LRRTM4: variants seen among roughly 807,000 people sequenced by gnomAD.
LRRTM4 encodes leucine-rich repeat transmembrane neuronal protein 4.
A neutral mutation model predicts 47.6 loss-of-function variants in LRRTM4; 25 were observed. The observed-to-expected ratio is 0.53, with a 90% CI of 0.38 to 0.73. LRRTM4 has a LOEUF of 0.73. Ranked by LOEUF, LRRTM4 falls within the 30% of genes least tolerant of loss-of-function variation. The probability of loss-of-function intolerance (pLI) is 0.00; values close to 1 mark genes in which losing one functional copy is unlikely to be tolerated. For missense variants in LRRTM4, 638 were observed against 713.4 expected (o/e 0.89, Z 1.20); for synonymous variants, 311 against 269.5 (o/e 1.15, Z -1.51).
chr2:76,795,829 G>C (rs1212633903), intron 3 of LRRTM4, among the ~76,000 whole-genome samples: 1 of 152,028 alleles, frequency 6.6e-6, no homozygotes, highest in Non-Finnish European at 1.5e-5. Context: ...TGGCCAAATA[G>C]GAACAGCTCC....
At chr2:77,005,155 GT>G in intron 3 of LRRTM4, among the ~76,000 whole-genome samples, 1 of 151,992 alleles carries the variant, frequency 6.6e-6, no homozygotes, top group African/African-American at 2.4e-5. Flanking sequence ...GTTTTGTTTT[GT>G]TTCTTTGAGA....
At chr2:77,273,071 G>C (rs991189239) in intron 3 of LRRTM4, among the ~76,000 whole-genome samples, 1 of 152,004 alleles carries the variant, frequency 6.6e-6, no homozygotes, top group African/African-American at 2.4e-5. Context: ...ATTATAATGG[G>C]ACCACTTTAA....
intron 3 of LRRTM4, among the ~76,000 whole-genome samples, chr2:76,973,264 G>A (rs1573388091): frequency 1.3e-5 from 2 of 151,966 alleles, no homozygotes; most frequent in South Asian, 2.1e-4. Context: ...AGAATTCCAG[G>A]TCATGCTACA....
intron 3 of LRRTM4, among the ~76,000 whole-genome samples, chr2:76,940,307 TA>T (rs1464288606): frequency 6.6e-6 from 1 of 151,964 alleles, no homozygotes; most frequent in African/African-American, 2.4e-5. Flanking sequence ...CATGCAGACA[TA>T]AAAAAGAATG....
chr2:76,963,430 C>T (rs567263511), intron 3 of LRRTM4, among the ~76,000 whole-genome samples: 6 of 150,850 alleles, frequency 4.0e-5, no homozygotes, highest in Non-Finnish European at 8.9e-5. Flanking sequence ...GATTTCTCAT[C>T]AGAAAATGGC....
At position 76,836,518 on chromosome 2, in the gene LRRTM4, C is replaced by A. The variant is rs556136270; in HGVS notation, c.1552-87602G>T. On this transcript the variant is annotated intron_variant, in intron 3 of 3. Coordinates refer to ENST00000409884, the MANE Select transcript of LRRTM4 (RefSeq NM_001134745.3). ...CTCTCTTCTCTTGTCCTTCCCCCAC[C>A]CCTCGCCATTTTTAGTTGTAAAGGC... 2.2e-4 allele frequency among the ~76,000 whole-genome samples: 33 copies of A among 151,878 alleles called. No individual in the cohort carries two copies. The East Asian group carries it at 6.0e-3, about 28-fold the overall frequency.
chr2:77,325,924 A>G (rs925118439), intron 3 of LRRTM4, among the ~76,000 whole-genome samples: 1 of 152,190 alleles, frequency 6.6e-6, no homozygotes, highest in Non-Finnish European at 1.5e-5. Flanking sequence ...AGTAGAAGCA[A>G]GAAGGCTACT....
At chr2:76,983,249 T>A (rs1039155332) in intron 3 of LRRTM4, among the ~76,000 whole-genome samples, 5 of 152,164 alleles carry the variant, frequency 3.3e-5, no homozygotes, top group Non-Finnish European at 7.4e-5. Context: ...AAATTGGCCT[T>A]AAATTTCTAA....
intron 3 of LRRTM4, among the ~76,000 whole-genome samples, chr2:77,025,440 G>T (rs548860218): frequency 6.6e-6 from 1 of 152,220 alleles, no homozygotes; most frequent in East Asian, 1.9e-4. Context: ...CTGCTCCCTG[G>T]TGGGTGGGTG....
chr2:77,414,832 T>A (rs2103867627), intron 3 of LRRTM4, among the ~76,000 whole-genome samples: 1 of 152,320 alleles, frequency 6.6e-6, no homozygotes, highest in South Asian at 2.1e-4. Flanking sequence ...GCACCAATAA[T>A]CCACTTTCAG....
At chr2:76,953,948 G>C (rs1675580963) in intron 3 of LRRTM4, among the ~76,000 whole-genome samples, 1 of 151,792 alleles carries the variant, frequency 6.6e-6, no homozygotes, top group Non-Finnish European at 1.5e-5. Flanking sequence ...GAGAGAGCAA[G>C]AGACTACAAC....
chr2:76,999,052 A>T (rs1431966458), intron 3 of LRRTM4, among the ~76,000 whole-genome samples: 1 of 152,052 alleles, frequency 6.6e-6, no homozygotes, highest in Non-Finnish European at 1.5e-5. Flanking sequence ...TTTTGACTTC[A>T]TAGATGGTTG....
chr2:77,510,188 A>G (rs999938541), intron 3 of LRRTM4, among the ~76,000 whole-genome samples: 1 of 152,152 alleles, frequency 6.6e-6, no homozygotes, highest in African/African-American at 2.4e-5. Flanking sequence ...TGATGAAACA[A>G]ACAATATTTT....
chr2:76,838,578 ATT>A (rs1244399765), intron 3 of LRRTM4, among the ~76,000 whole-genome samples: 1 of 152,064 alleles, frequency 6.6e-6, no homozygotes, highest in Non-Finnish European at 1.5e-5. Context: ...TCCCACCTCT[ATT>A]TAATACATAA....
rs201525166 is a variant in LRRTM4, at chr2:76,816,819, G to GTTTT, written c.1552-67907_1552-67904dup. On this transcript the variant is annotated intron_variant, in intron 3 of 3. Coordinates refer to ENST00000409884, the MANE Select transcript of LRRTM4 (RefSeq NM_001134745.3). ...CACTGCTTTTACTTAGAGGTAAAGA[G>GTTTT]TTTTTTTTTTTTTTTTTTTTTTTTT... 4.8e-3 allele frequency among the ~76,000 whole-genome samples: 458 copies of GTTTT among 96,340 alleles called. 20 individuals are homozygous for GTTTT. The highest frequency in any genetic ancestry group is 7.3e-3 in the Non-Finnish European group (289 of 39,788). The allele number at this position is 96,340 out of a possible 152,430, so 63.2% of individuals were successfully genotyped here. A position where few individuals can be genotyped will look rare whatever the true frequency, so the allele number is the denominator to read the frequency against.
At chr2:77,127,969 C>A (rs143102340) in intron 3 of LRRTM4, among the ~76,000 whole-genome samples, 1 of 151,974 alleles carries the variant, frequency 6.6e-6, no homozygotes, top group Non-Finnish European at 1.5e-5. Context: ...ATGGTGAAAC[C>A]CTGTCTCTAC....
chr2:76,804,806 A>T (rs1195604263), intron 3 of LRRTM4, among the ~76,000 whole-genome samples: 1 of 150,746 alleles, frequency 6.6e-6, no homozygotes, highest in Non-Finnish European at 1.5e-5. Flanking sequence ...GTTTTATAAC[A>T]AATTATTAAA....
chr2:77,353,738 C>A (rs561656662), intron 3 of LRRTM4, among the ~76,000 whole-genome samples: 2 of 151,802 alleles, frequency 1.3e-5, no homozygotes, highest in East Asian at 3.9e-4. Flanking sequence ...TGTGTCCAAC[C>A]AAATTATTAT....
intron 3 of LRRTM4, among the ~76,000 whole-genome samples, chr2:77,388,393 G>T (rs1673369713): frequency 6.6e-6 from 1 of 152,046 alleles, no homozygotes; most frequent in Non-Finnish European, 1.5e-5. Context: ...CAATACAGAA[G>T]GAGTCTGCAC....
Sources: allele counts gnomAD v4.1 joint callset (sites outside exome capture counted in the v4.1 genomes callset), GRCh38; gene constraint gnomAD v4.1.1; transcripts MANE v1.5; gene names NCBI Gene and HGNC (gene_info 2026-07-23, HGNC 2026-07-21).